Variants in IL3RA observed in about 807,000 individuals in gnomAD.
IL3RA encodes interleukin 3 receptor subunit alpha.
Under a neutral mutation model 52.3 loss-of-function variants are expected in IL3RA, and 73 were observed. The ratio of observed to expected loss-of-function variants is 1.40; its 90% CI spans 1.16 to 1.70. The LOEUF (loss-of-function observed/expected upper bound fraction) is 1.70. IL3RA is among the 40% of genes most tolerant of loss of function. The probability of loss-of-function intolerance (pLI) is 0.00; values close to 1 mark genes in which losing one functional copy is unlikely to be tolerated. For missense variants in IL3RA, 664 were observed against 504.4 expected, an observed-to-expected ratio of 1.32 and a Z score of -3.03; for synonymous variants, 260 against 194.0, an observed-to-expected ratio of 1.34 and a Z score of -2.83.
rs758380430 is a variant in IL3RA, at chrX:1,367,821, G to C, written c.874+2569G>C. ...GCGCCGGGTGAGCGGGGTGCGCGGG[G>C]TGAGCGGGGTGCGCCATCCTGGGTC... On this transcript the variant is annotated intron_variant, in intron 9 of 11. Transcript: ENST00000331035. Among the ~76,000 whole-genome samples the C allele has an allele frequency of 5.9e-4, 88 of 150,052 alleles. No individual in the cohort carries two copies. In the East Asian group the frequency reaches 6.9e-3, roughly 12 times the overall value.
intron 4 of IL3RA, 93 bp downstream of exon 4, chrX:1,348,638 C>CT: frequency 1.4e-6 from 1 of 724,036 alleles, no homozygotes; most frequent in Admixed American, 2.5e-5. Flanking sequence ...TTTTTCTTTT[C>CT]TTTTTCTCTT....
chrX:1,368,694 G>A (rs1294296540), intron 9 of IL3RA, among the ~76,000 whole-genome samples: 7 of 151,920 alleles, frequency 4.6e-5, no homozygotes, highest in East Asian at 3.9e-4. Flanking sequence ...CACACAGAGG[G>A]ACGACCCTGT....
Position 1,382,574 on chromosome X carries a change from CTAACGGGTGG to C in IL3RA, c.*111_*120del. 5 of 1,011,798 alleles carry C rather than the reference CTAACGGGTGG, an allele frequency of 4.9e-6. No individual in the cohort carries two copies. The highest frequency in any genetic ancestry group is 7.9e-6 in the Non-Finnish European group (5 of 636,102). 62.7% of individuals were successfully genotyped at this position (1,011,798 alleles called of 1,614,324 possible). A position where few individuals can be genotyped will look rare whatever the true frequency, so the allele number is the denominator to read the frequency against. ...GCACGCAGCCCAGGAATGGACATTC[CTAACGGGTGG>C]TGGGCATGGGAGATGCCTGTGTAAT... On this transcript the variant is annotated 3_prime_UTR_variant, in exon 12 of 12. Coordinates refer to ENST00000331035, the MANE Select transcript of IL3RA (RefSeq NM_002183.4).
chrX:1,341,370 CACACGTGCAAGCACACACACACACAG>C (rs2085483955), intron 1 of IL3RA, among the ~76,000 whole-genome samples: 1 of 151,284 alleles, frequency 6.6e-6, no homozygotes, highest in Non-Finnish European at 1.5e-5. Flanking sequence ...CAAAAATGTA[CACACGTGCAAGCACACACACACACAG>C]ACACATGTAC....
intron 1 of IL3RA, among the ~76,000 whole-genome samples, chrX:1,339,119 C>T (rs1348773913): frequency 2.6e-5 from 4 of 151,836 alleles, no homozygotes; most frequent in South Asian, 2.1e-4. Flanking sequence ...GGATTATAGG[C>T]GTGAGCCACC....
chrX:1,367,965 C>T (rs1264417319), intron 9 of IL3RA, among the ~76,000 whole-genome samples: 4 of 152,018 alleles, frequency 2.6e-5, no homozygotes, highest in Non-Finnish European at 4.4e-5. Flanking sequence ...CGAGAGGAGA[C>T]GTGGAGGGGA....
At chrX:1,338,205 T>C (rs1251090633) in intron 1 of IL3RA, among the ~76,000 whole-genome samples, 4 of 150,364 alleles carry the variant, frequency 2.7e-5, no homozygotes, top group Non-Finnish European at 4.4e-5. Flanking sequence ...AGCAGCTTTA[T>C]TCACAATAGC....
At chrX:1,361,332 C>G (rs1443301643) in intron 8 of IL3RA, among the ~76,000 whole-genome samples, 13 of 152,100 alleles carry the variant, frequency 8.5e-5, no homozygotes, top group East Asian at 1.9e-4. Flanking sequence ...ATACCCAAGA[C>G]TGGGTAATTT....
chrX:1,344,747 TG>T (rs1476374929), intron 2 of IL3RA, among the ~76,000 whole-genome samples: 1 of 150,456 alleles, frequency 6.6e-6, no homozygotes, highest in Non-Finnish European at 1.5e-5. Context: ...CACTCCAGCC[TG>T]GGTGACAAGA....
At position 1,352,012 on chromosome X, in the gene IL3RA, G is replaced by A. The variant is rs373763296; in HGVS notation, c.299-88G>A. Reference sequence around the variant, plus strand: ...ACTCCTGACCTCATGTGATCCACCCGCCTCGGCCTCCCAAAATGCTGGGGT... The same window carrying A: ...ACTCCTGACCTCATGTGATCCACCCACCTCGGCCTCCCAAAATGCTGGGGT... On this transcript the variant is annotated intron_variant, in intron 4 of 11. Coordinates refer to ENST00000331035, the MANE Select transcript of IL3RA (RefSeq NM_002183.4). 324 of 1,513,956 alleles carry A rather than the reference G, an allele frequency of 2.1e-4. 3 individuals carry two copies. In the African/African-American group the frequency reaches 3.3e-3, roughly 15 times the overall value. 93.8% of individuals were successfully genotyped at this position (1,513,956 alleles called of 1,614,324 possible).
chrX:1,345,468 A>AT, intron 3 of IL3RA, 34 bp downstream of exon 3: 1 of 1,324,184 alleles, frequency 7.6e-7, no homozygotes. Flanking sequence ...TTTTATTTTT[A>AT]TTTTATTTAT....
chrX:1,344,754 CAA>C (rs1309231296), intron 2 of IL3RA, among the ~76,000 whole-genome samples: 20 of 151,332 alleles, frequency 1.3e-4, no homozygotes, highest in African/African-American at 4.8e-4. Context: ...GCCTGGGTGA[CAA>C]GAGCAAAACT....
Position 1,358,869 on chromosome X carries a change from G to T in IL3RA, c.741G>T (p.Gln247His). The T allele has an allele frequency of 6.2e-7, 1 of 1,613,318 alleles. No homozygotes were observed. The highest frequency in any genetic ancestry group is 8.5e-7 in the Non-Finnish European group (1 of 1,179,624). The change falls in exon 8 of 12, where the codon CAG becomes CAT. Residue 247 changes from glutamine (Q) to histidine (H), a missense_variant. Coordinates refer to ENST00000331035, the MANE Select transcript of IL3RA (RefSeq NM_002183.4). The part of the protein sequence containing the change: ...RYELQIQKRM[Q>H]PVITEQVRDR... ...TTGCTTTTGTGTTGCAGAGAATGCA[G>T]CCTGTAATCACAGAACAGGTGAGTG...
At chrX:1,342,944 G>C (rs17885256) in intron 2 of IL3RA, among the ~76,000 whole-genome samples, 5 of 151,240 alleles carry the variant, frequency 3.3e-5, no homozygotes, top group Non-Finnish European at 7.4e-5. Flanking sequence ...GCGTGGTGGC[G>C]GGCGCCTGTA....
At chrX:1,358,591 G>C in intron 7 of IL3RA, among the ~76,000 whole-genome samples, 1 of 152,302 alleles carries the variant, frequency 6.6e-6, no homozygotes, top group South Asian at 2.1e-4. Flanking sequence ...TCCGGGAGGC[G>C]GAGGTTGCAG....
chrX:1,355,833 G>T (rs2086665951), intron 6 of IL3RA, among the ~76,000 whole-genome samples: 1 of 152,128 alleles, frequency 6.6e-6, no homozygotes, highest in East Asian at 1.9e-4. Flanking sequence ...CCTGGGCAGG[G>T]GTGGGGAGTG....
intron 4 of IL3RA, among the ~76,000 whole-genome samples, chrX:1,349,455 C>T (rs189714313): frequency 0.033 from 5,074 of 151,784 alleles, 285 homozygotes; most frequent in African/African-American, 0.12. Flanking sequence ...GCTGGGAGTA[C>T]AGGGGTGAGC....
chrX:1,337,525 G>T (rs1482986041), intron 1 of IL3RA, among the ~76,000 whole-genome samples: 5 of 152,056 alleles, frequency 3.3e-5, no homozygotes, highest in African/African-American at 1.2e-4. Flanking sequence ...ATCTATAGAT[G>T]AATGGAAAAA....
intron 6 of IL3RA, 58 bp downstream of exon 6, chrX:1,352,564 G>A (rs1415957479): frequency 2.8e-4 from 438 of 1,554,490 alleles, no homozygotes; most frequent in Non-Finnish European, 3.7e-4. Context: ...CGGCTTTAGC[G>A]CCAGGCCAGA....
Sources: allele counts gnomAD v4.1 joint callset (sites outside exome capture counted in the v4.1 genomes callset), GRCh38; gene constraint gnomAD v4.1.1; transcripts MANE v1.5; gene names NCBI Gene and HGNC (gene_info 2026-07-23, HGNC 2026-07-21).